TPRG1: variants seen among roughly 807,000 people sequenced by gnomAD.
The protein encoded by TPRG1 is tumor protein p63 regulated 1, also known as tumor protein p63-regulated gene 1 protein.
A neutral mutation model predicts 29.3 loss-of-function variants in TPRG1; 29 were observed. The ratio of observed to expected loss-of-function variants is 0.99; its 90% CI spans 0.74 to 1.35. The LOEUF is 1.35. TPRG1 is among the 40% of genes most tolerant of loss of function. TPRG1 has a pLI of 0.00. For missense variants in TPRG1, 327 were observed against 335.0 expected, an observed-to-expected ratio of 0.98 and a Z score of 0.19; for synonymous variants, 130 against 116.8, an observed-to-expected ratio of 1.11 and a Z score of -0.73.
At chr3:189,270,469 T>C (rs116837713) in intron 4 of TPRG1, among the ~76,000 whole-genome samples, 1,939 of 152,304 alleles carry the variant, frequency 0.013, 47 homozygotes, top group African/African-American at 0.045. Flanking sequence ...AGAATGGCAG[T>C]GCTGGAGGCT....
intron 4 of TPRG1, among the ~76,000 whole-genome samples, chr3:189,081,679 A>G (rs1290497738): frequency 6.6e-6 from 1 of 152,196 alleles, no homozygotes; most frequent in Non-Finnish European, 1.5e-5. Context: ...CTTATAATGT[A>G]ATGATGTATT....
At chr3:189,067,618 T>G (rs1396005016) in intron 4 of TPRG1, among the ~76,000 whole-genome samples, 1 of 152,192 alleles carries the variant, frequency 6.6e-6, no homozygotes, top group Admixed American at 6.5e-5. Flanking sequence ...GATATCCATA[T>G]GCAGAAGGAT....
rs555147924 is a variant in TPRG1, at chr3:189,186,512, A to G, written c.-10+14381A>G. On this transcript the variant is annotated intron_variant, in intron 1 of 5. Transcript: ENST00000345063. The stretch of plus-strand genomic sequence containing the variant: ...GCTCTTAAAGACGCAATTTTCTGCA[A>G]ACATTTAACCATGAACTAGCACCTT... Among the ~76,000 whole-genome samples, 4 of 152,344 alleles carry G rather than the reference A, an allele frequency of 2.6e-5. No homozygotes were observed. The South Asian group carries it at 8.3e-4, about 32-fold the overall frequency.
intron 4 of TPRG1, among the ~76,000 whole-genome samples, chr3:189,081,084 T>G (rs1043615564): frequency 3.9e-5 from 6 of 152,180 alleles, no homozygotes; most frequent in African/African-American, 1.4e-4. Context: ...ATTTTCAGTC[T>G]GGATAATTAG....
At chr3:189,182,383 A>C (rs1322398117) in intron 1 of TPRG1, among the ~76,000 whole-genome samples, 2 of 152,256 alleles carry the variant, frequency 1.3e-5, no homozygotes. Flanking sequence ...CCAAGCTCAT[A>C]ACTTAAAAAA....
chr3:189,274,576 T>A (rs986169274), intron 4 of TPRG1, among the ~76,000 whole-genome samples: 1 of 152,134 alleles, frequency 6.6e-6, no homozygotes, highest in Admixed American at 6.6e-5. Flanking sequence ...AGGGCCCAGA[T>A]AGTAGCACTG....
At chr3:189,147,241 T>C (rs1239199552) in intron 3 of TPRG1, among the ~76,000 whole-genome samples, 4 of 152,180 alleles carry the variant, frequency 2.6e-5, no homozygotes, top group Non-Finnish European at 5.9e-5. Context: ...GAGACTTGCT[T>C]AGTTAAAAGA....
rs146770721 is a variant in TPRG1, at chr3:189,036,113, C to T, written c.-463+12167C>T. The stretch of plus-strand genomic sequence containing the variant: ...CTATGAAAAAAAACAAAATCCTGTC[C>T]TTTGCAGCAACATGGATGGTCATTA... On this transcript the variant is annotated intron_variant, in intron 4 of 10. Transcript: ENST00000433971. Among the ~76,000 whole-genome samples, 15 of 152,098 alleles carry T rather than the reference C, an allele frequency of 9.9e-5. No homozygotes were observed. The East Asian group carries it at 2.9e-3, about 29-fold the overall frequency.
At chr3:189,137,764 C>T (rs1039006366) in intron 3 of TPRG1, among the ~76,000 whole-genome samples, 21 of 152,110 alleles carry the variant, frequency 1.4e-4, no homozygotes, top group African/African-American at 4.3e-4. Flanking sequence ...GCATCCTTCC[C>T]CCTTCTCGTG....
At chr3:189,122,596 A>G (rs3846196) in intron 1 of TPRG1, among the ~76,000 whole-genome samples, 10,409 of 152,286 alleles carry the variant, frequency 0.068, 1,170 homozygotes, top group African/African-American at 0.23. Context: ...TTGAGCTAGA[A>G]GAAAACTTAC....
At chr3:189,280,410 G>A (rs1716924234) in intron 4 of TPRG1, among the ~76,000 whole-genome samples, 1 of 152,144 alleles carries the variant, frequency 6.6e-6, no homozygotes, top group African/African-American at 2.4e-5. Flanking sequence ...GTAAGTATGA[G>A]TGTCATGAAT....
At chr3:189,075,988 T>C (rs926869441) in intron 4 of TPRG1, among the ~76,000 whole-genome samples, 2 of 152,196 alleles carry the variant, frequency 1.3e-5, no homozygotes, top group Non-Finnish European at 2.9e-5. Context: ...TTTTTTTCTC[T>C]TTATGAATAT....
intron 3 of TPRG1, among the ~76,000 whole-genome samples, chr3:189,237,145 G>T (rs955346190): frequency 4.6e-5 from 7 of 152,120 alleles, no homozygotes; most frequent in African/African-American, 1.7e-4. Flanking sequence ...ACCACCAAAA[G>T]TCTCCCAAAA....
intron 1 of TPRG1, among the ~76,000 whole-genome samples, chr3:189,204,451 G>T (rs1733997271): frequency 6.6e-6 from 1 of 152,206 alleles, no homozygotes; most frequent in African/African-American, 2.4e-5. Flanking sequence ...GTTCTTCTAA[G>T]ATGTTCCTGT....
At chr3:189,245,035 C>T (rs1579012208) in intron 4 of TPRG1, among the ~76,000 whole-genome samples, 1 of 152,150 alleles carries the variant, frequency 6.6e-6, no homozygotes, top group East Asian at 1.9e-4. Context: ...ATTCTCCTGC[C>T]TCAGCCTCCC....
At chr3:189,262,320 TG>T (rs1465655013) in intron 4 of TPRG1, among the ~76,000 whole-genome samples, 2 of 151,798 alleles carry the variant, frequency 1.3e-5, no homozygotes, top group Non-Finnish European at 2.9e-5. Flanking sequence ...TTTTCTGGTG[TG>T]GGAGAGGAAG....
intron 5 of TPRG1, 71 bp from the exon 6 acceptor site, chr3:189,320,555 G>T (rs1724198725): frequency 7.3e-7 from 1 of 1,365,822 alleles, no homozygotes; most frequent in Non-Finnish European, 9.9e-7. Context: ...GTGAAGACTG[G>T]CTGGGGAGAT....
chr3:189,011,473 T>C (rs143857374), intron 3 of TPRG1, among the ~76,000 whole-genome samples: 1 of 152,298 alleles, frequency 6.6e-6, no homozygotes, highest in East Asian at 1.9e-4. Context: ...GGAGAACTCA[T>C]AGTACCATGT....
chr3:189,180,881 C>A (rs1730124611), intron 1 of TPRG1, among the ~76,000 whole-genome samples: 1 of 152,202 alleles, frequency 6.6e-6, no homozygotes, highest in African/African-American at 2.4e-5. Flanking sequence ...TCCATGAGAG[C>A]CTCACCCCTG....
Sources: allele counts gnomAD v4.1 joint callset (sites outside exome capture counted in the v4.1 genomes callset), GRCh38; gene constraint gnomAD v4.1.1; transcripts MANE v1.5; gene names NCBI Gene and HGNC (gene_info 2026-07-23, HGNC 2026-07-21).